GAB1: variants seen among roughly 807,000 people sequenced by gnomAD.
GAB1 encodes the protein GRB2 associated binding protein 1.
GAB1 carries 19 observed loss-of-function variants against 66.5 expected under a neutral mutation model. The ratio of observed to expected loss-of-function variants is 0.29; its 90% CI spans 0.20 to 0.42. The LOEUF (loss-of-function observed/expected upper bound fraction) is 0.42. Ranked by LOEUF, GAB1 falls within the 10% of genes least tolerant of loss-of-function variation. The probability of loss-of-function intolerance (pLI) is 1.00; values close to 1 mark genes in which losing one functional copy is unlikely to be tolerated. For synonymous variants in GAB1, 294 were observed against 301.4 expected (o/e 0.98, Z 0.25); for missense variants, 732 against 858.5 (o/e 0.85, Z 1.84).
At chr4:143,425,490 A>G (rs1733294903) in intron 2 of GAB1, 7 of 761,356 alleles carry the variant, frequency 9.2e-6, no homozygotes, top group African/African-American at 1.7e-5. Flanking sequence ...TGCTCTGTGT[A>G]ACACAGATTC....
intron 6 of GAB1, among the ~76,000 whole-genome samples, chr4:143,445,406 G>T (rs1476664429): frequency 6.6e-6 from 1 of 152,088 alleles, no homozygotes; most frequent in Non-Finnish European, 1.5e-5. Context: ...AGAAGTATCA[G>T]TTCATGTCTT....
intron 1 of GAB1, among the ~76,000 whole-genome samples, chr4:143,364,316 T>G (rs2149659621): frequency 6.6e-6 from 1 of 152,328 alleles, no homozygotes; most frequent in South Asian, 2.1e-4. Flanking sequence ...TCCTGACCAT[T>G]TATGCTATTT....
At chr4:143,417,099 A>G (rs1732733324) in intron 2 of GAB1, among the ~76,000 whole-genome samples, 1 of 152,222 alleles carries the variant, frequency 6.6e-6, no homozygotes, top group African/African-American at 2.4e-5. Flanking sequence ...AGTGAAGGAA[A>G]GCTTCTGAAA....
At chr4:143,357,031 A>C (rs767080891) in intron 1 of GAB1, among the ~76,000 whole-genome samples, 3 of 152,152 alleles carry the variant, frequency 2.0e-5, no homozygotes, top group Non-Finnish European at 4.4e-5. Flanking sequence ...AAATACCTTT[A>C]GGTAATCTAT....
chr4:143,429,171 C>T (rs184526790), intron 2 of GAB1, among the ~76,000 whole-genome samples: 33 of 152,202 alleles, frequency 2.2e-4, no homozygotes, highest in Middle Eastern at 3.4e-3. Context: ...GGCACAATCT[C>T]GGCTCACTAC....
chr4:143,472,858 A>G lies in GAB1; in HGVS notation c.*3669A>G, dbSNP rs1011208196. The G allele has an allele frequency of 1.3e-5, 2 of 152,336 alleles. No homozygotes were observed. Among genetic ancestry groups the G allele is most frequent in the South Asian group, 2.1e-4 (1 of 4,828 alleles). 9.4% of individuals were successfully genotyped at this position (152,336 alleles called of 1,614,324 possible). On this transcript the variant is annotated 3_prime_UTR_variant, in exon 10 of 10. Transcript: ENST00000262994. ...TACTGTCAATAACATCTGATGTTAC[A>G]TGCACATTTATATATATATAATTTT...
At chr4:143,457,054 G>A (rs1222282891) in intron 6 of GAB1, among the ~76,000 whole-genome samples, 2 of 152,194 alleles carry the variant, frequency 1.3e-5, no homozygotes, top group Non-Finnish European at 2.9e-5. Context: ...AAGCCATTGG[G>A]CAACCAGTGA....
intron 2 of GAB1, chr4:143,425,359 C>G (rs1383130667): frequency 2.6e-6 from 2 of 762,130 alleles, no homozygotes; most frequent in Admixed American, 1.7e-5. Flanking sequence ...GGTCACTTCA[C>G]TCCTGGAACC....
At chr4:143,371,214 T>C (rs902238351) in intron 1 of GAB1, among the ~76,000 whole-genome samples, 4 of 152,002 alleles carry the variant, frequency 2.6e-5, no homozygotes, top group African/African-American at 9.7e-5. Flanking sequence ...GCACCTGTTG[T>C]TTCCTGACTT....
chr4:143,397,316 A>G (rs1272108277), intron 1 of GAB1, among the ~76,000 whole-genome samples: 1 of 152,238 alleles, frequency 6.6e-6, no homozygotes, highest in East Asian at 1.9e-4. Context: ...TCCTGCTTGT[A>G]TAAACTTAAT....
At chr4:143,413,824 CTTTTTTTT>C (rs35422180) in intron 1 of GAB1, among the ~76,000 whole-genome samples, 1 of 67,832 alleles carries the variant, frequency 1.5e-5, no homozygotes, top group Non-Finnish European at 2.5e-5. Context: ...CCCCGCTGCC[CTTTTTTTT>C]TTTTTTTTTT....
chr4:143,447,526 G>T (rs1734631121), intron 6 of GAB1, among the ~76,000 whole-genome samples: 1 of 152,094 alleles, frequency 6.6e-6, no homozygotes, highest in South Asian at 2.1e-4. Context: ...TTGTAAGTTG[G>T]ATTCCTAAGT....
At chr4:143,428,365 A>G (rs1008709973) in intron 2 of GAB1, among the ~76,000 whole-genome samples, 2 of 152,146 alleles carry the variant, frequency 1.3e-5, no homozygotes, top group Non-Finnish European at 2.9e-5. Flanking sequence ...TCCTCCTCCA[A>G]CAAGGGAGAG....
chr4:143,444,400 T>C (rs1734398387), intron 6 of GAB1, among the ~76,000 whole-genome samples: 1 of 152,122 alleles, frequency 6.6e-6, no homozygotes, highest in Admixed American at 6.5e-5. Flanking sequence ...TTTTGTATGG[T>C]GTTTTTATAC....
chr4:143,450,023 A>T (rs1734825596), intron 6 of GAB1, among the ~76,000 whole-genome samples: 1 of 152,098 alleles, frequency 6.6e-6, no homozygotes, highest in African/African-American at 2.4e-5. Flanking sequence ...CAGTACATGA[A>T]ACTAGATTTT....
At chr4:143,345,578 A>G (rs1728960414) in intron 1 of GAB1, among the ~76,000 whole-genome samples, 1 of 152,114 alleles carries the variant, frequency 6.6e-6, no homozygotes, top group Non-Finnish European at 1.5e-5. Flanking sequence ...TATTTTGAAA[A>G]CAGCTTTATA....
chr4:143,373,618 C>G (rs1730250058), intron 1 of GAB1, among the ~76,000 whole-genome samples: 1 of 151,978 alleles, frequency 6.6e-6, no homozygotes, highest in Non-Finnish European at 1.5e-5. Flanking sequence ...CACTTGAGCT[C>G]AGGAGTTTGA....
Position 143,437,276 on chromosome 4 carries a change from A to T in GAB1, c.594-723A>T, listed in dbSNP as rs28925903. ...AGAGTGTGCTTGTGTTGTTAGCTTC[A>T]TCTTGTCGTATACCCAAATTTTGTG... On this transcript the variant is annotated intron_variant, in intron 3 of 9. Transcript: ENST00000262994. 3.9e-5 allele frequency among the ~76,000 whole-genome samples: 6 copies of T among 152,354 alleles called. 1 individual carries two copies. The East Asian group carries it at 1.2e-3, about 29-fold the overall frequency.
intron 1 of GAB1, 134 bp downstream of exon 1, chr4:143,337,394 C>G: frequency 1.3e-6 from 1 of 758,664 alleles, no homozygotes; most frequent in Non-Finnish European, 2.2e-6. Context: ...CCCTTGGCCC[C>G]TACCCCTGGC....
Sources: gnomAD v4.1 joint callset for allele counts (sites outside exome capture counted in the v4.1 genomes callset) on GRCh38, gnomAD v4.1.1 for gene constraint, MANE v1.5 for transcripts, NCBI Gene and HGNC (gene_info 2026-07-23, HGNC 2026-07-21) for gene names.